The following RMI2 variants were observed in gnomAD, a reference collection of about 807,000 sequenced individuals.
RMI2 encodes the protein recQ-mediated genome instability protein 2.
A neutral mutation model predicts 8.4 loss-of-function variants in RMI2; 11 were observed. That is an observed-to-expected ratio of 1.32 (90% confidence interval 0.83 to 2.18). The LOEUF (loss-of-function observed/expected upper bound fraction) is 2.18. Ranked by LOEUF, RMI2 falls within the 30% of genes most tolerant of loss-of-function variation. The pLI is 0.00. For missense variants in RMI2, 253 were observed against 207.5 expected, an observed-to-expected ratio of 1.22 and a Z score of -1.35; for synonymous variants, 105 against 93.8, an observed-to-expected ratio of 1.12 and a Z score of -0.69.
chr16:11,346,304 G>A (rs534301572), intron 1 of RMI2, among the ~76,000 whole-genome samples: 56 of 137,766 alleles, frequency 4.1e-4, no homozygotes, highest in African/African-American at 1.5e-3. Context: ...CTGTCGCCCA[G>A]GATGGGGTGC....
intron 1 of RMI2, among the ~76,000 whole-genome samples, chr16:11,346,139 C>T (rs2070864042): frequency 6.6e-6 from 1 of 152,178 alleles, no homozygotes; most frequent in African/African-American, 2.4e-5. Context: ...AACGTCTCAG[C>T]TCAAATGTGC....
intron 1 of RMI2, 119 bp downstream of exon 1, chr16:11,345,885 C>A: frequency 1.3e-6 from 1 of 796,230 alleles, no homozygotes; most frequent in Non-Finnish European, 1.7e-6. Context: ...GGCCCTCCTC[C>A]GGGCCTCTGC....
At chr16:11,347,485 C>G (rs1182851166) in intron 1 of RMI2, among the ~76,000 whole-genome samples, 2 of 152,212 alleles carry the variant, frequency 1.3e-5, no homozygotes, top group Non-Finnish European at 2.9e-5. Context: ...CTCTTGTTAA[C>G]TTTTCTGGAC....
At chr16:11,347,439 T>C (rs550587237) in intron 1 of RMI2, among the ~76,000 whole-genome samples, 1 of 152,362 alleles carries the variant, frequency 6.6e-6, no homozygotes, top group Admixed American at 6.5e-5. Flanking sequence ...GTCGAATTTC[T>C]GGTTCCACCC....
At position 11,345,486 on chromosome 16, in the gene RMI2, G is replaced by A. The variant is rs1043429594; in HGVS notation, c.15G>A (p.Ala5=). 3 of 1,316,248 alleles carry A rather than the reference G, an allele frequency of 2.3e-6. No homozygotes were observed. Among genetic ancestry groups the A allele is most frequent in the Admixed American group, 3.1e-5 (1 of 32,326 alleles). The allele number at this position is 1,316,248 out of a possible 1,614,324, so 81.5% of individuals were successfully genotyped here. The part of the protein sequence containing the change: MAAA[A]DSFSGGPAGV... ...GGCGAGGCGGAATGGCGGCGGCTGC[G>A]GACTCGTTCTCAGGCGGCCCCGCGG... Residue 5 remains alanine, a synonymous_variant, in exon 1 of 2, where the codon GCG becomes GCA. Transcript: ENST00000312499.
chr16:11,345,888 G>C, intron 1 of RMI2, 122 bp downstream of exon 1: 1 of 788,690 alleles, frequency 1.3e-6, no homozygotes, highest in South Asian at 6.5e-5. Flanking sequence ...CCTCCTCCGG[G>C]CCTCTGCCCC....
In RMI2 at chr16:11,351,060, T is replaced by G. The variant is rs1230007391; in HGVS notation, c.*270T>G. On this transcript the variant is annotated 3_prime_UTR_variant, in exon 2 of 2. Transcript: ENST00000312499. ...ATTTTCCTTCCTGGTTTGTGTGTGTTAATTCTCTCTCTCTCTCTCAGACAC... is the reference window on the plus strand; with the variant it reads ...ATTTTCCTTCCTGGTTTGTGTGTGTGAATTCTCTCTCTCTCTCTCAGACAC... 1.2e-5 allele frequency: 4 copies of G among 328,726 alleles called. No individual in the cohort carries two copies. The highest frequency in any genetic ancestry group is 2.1e-5 in the African/African-American group (1 of 47,110). 20.4% of individuals were successfully genotyped at this position (328,726 alleles called of 1,614,324 possible).
At chr16:11,347,021 C>G (rs1213492073) in intron 1 of RMI2, among the ~76,000 whole-genome samples, 2 of 152,218 alleles carry the variant, frequency 1.3e-5, no homozygotes, top group Admixed American at 1.3e-4. Context: ...AACCAATAGT[C>G]TTGAGTGATA....
intron 1 of RMI2, among the ~76,000 whole-genome samples, chr16:11,346,255 CTTTT>C (rs34808246): frequency 8.6e-6 from 1 of 115,934 alleles, no homozygotes; most frequent in East Asian, 2.6e-4. Context: ...TGCCTCCTCT[CTTTT>C]TTTTTTTTTT....
Position 11,350,649 on chromosome 16 carries a change from T to G in RMI2, c.303T>G (p.Tyr101Ter). Residue 101 changes from tyrosine to a stop codon, truncating the protein, a stop_gained, in exon 2 of 2, where the codon TAT (tyrosine) becomes TAG (stop). Transcript: ENST00000312499. LOFTEE classifies it high-confidence loss of function. Reference sequence around the variant, plus strand: ...CTTTTCTTCTTTTTCTAGGAAAGTATGTGATGGTGATGGGAGTGGTTCAGG... The same window carrying G: ...CTTTTCTTCTTTTTCTAGGAAAGTAGGTGATGGTGATGGGAGTGGTTCAGG... ...RGRPCLVPGK[Y>*]VMVMGVVQAC... 6.4e-7 allele frequency: 1 copy of G among 1,567,714 alleles called. No homozygotes were observed.
In RMI2 at chr16:11,351,023, T is replaced by G. The variant is rs1053381901; in HGVS notation, c.*233T>G. On this transcript the variant is annotated 3_prime_UTR_variant, in exon 2 of 2. Coordinates refer to ENST00000312499, the MANE Select transcript of RMI2 (RefSeq NM_152308.3). ...CCTGTGTTTGCTGATGAAAAGCAGA[T>G]GCTTGTGTTTCATTTTCCTTCCTGG... The G allele has an allele frequency of 2.7e-6, 1 of 373,572 alleles. No homozygotes were observed. The highest frequency in any genetic ancestry group is 4.8e-6 in the Non-Finnish European group (1 of 208,300). The allele number at this position is 373,572 out of a possible 1,614,324, so 23.1% of individuals were successfully genotyped here. A position where few individuals can be genotyped will look rare whatever the true frequency, so the allele number is the denominator to read the frequency against.
chr16:11,346,265 T>C (rs1419634384), intron 1 of RMI2, among the ~76,000 whole-genome samples: 2 of 112,128 alleles, frequency 1.8e-5, no homozygotes. Flanking sequence ...CTTTTTTTTT[T>C]TTTTTTTTTT....
At position 11,345,633 on chromosome 16, in the gene RMI2, C is replaced by A; in HGVS notation, c.162C>A (p.Asp54Glu). ...CGGCGGCGGGCCGCGGGCCGCTGGACCTGGCGGCCGTGTGGATGCAGGGCA... is the reference window on the plus strand; with the variant it reads ...CGGCGGCGGGCCGCGGGCCGCTGGAACTGGCGGCCGTGTGGATGCAGGGCA... ...SRAAAGRGPL[D>E]LAAVWMQGRV... Residue 54 changes from aspartate to glutamate, a missense_variant, in exon 1 of 2, where the codon GAC becomes GAA. Transcript: ENST00000312499. The A allele has an allele frequency of 1.2e-5, 15 of 1,253,146 alleles. No homozygotes were observed. Among genetic ancestry groups the A allele is most frequent in the Non-Finnish European group, 1.5e-5 (15 of 1,000,534 alleles). The allele number at this position is 1,253,146 out of a possible 1,614,324, so 77.6% of individuals were successfully genotyped here. A position where few individuals can be genotyped will look rare whatever the true frequency, so the allele number is the denominator to read the frequency against.
intron 1 of RMI2, 75 bp downstream of exon 1, chr16:11,345,841 G>C (rs933255337): frequency 4.4e-6 from 5 of 1,138,344 alleles, no homozygotes; most frequent in Non-Finnish European, 5.5e-6. Flanking sequence ...ATTCGATCTT[G>C]TTGTTGACAC....
At chr16:11,346,252 TCTC>T (rs1162159236) in intron 1 of RMI2, among the ~76,000 whole-genome samples, 12 of 128,154 alleles carry the variant, frequency 9.4e-5, no homozygotes, top group East Asian at 4.2e-4. Context: ...GTTTGCCTCC[TCTC>T]TTTTTTTTTT....
intron 1 of RMI2, among the ~76,000 whole-genome samples, chr16:11,350,031 C>T (rs1288185616): frequency 4.6e-5 from 7 of 152,158 alleles, no homozygotes; most frequent in Non-Finnish European, 1.0e-4. Flanking sequence ...GCTGCCTGCC[C>T]AGCCTTTTCG....
chr16:11,346,145 T>A lies in RMI2; in HGVS notation c.295+379T>A, dbSNP rs896525894. 3.9e-5 allele frequency among the ~76,000 whole-genome samples: 6 copies of A among 152,270 alleles called. No homozygotes were observed. The East Asian group carries it at 1.2e-3, about 29-fold the overall frequency. On this transcript the variant is annotated intron_variant, in intron 1 of 1. Coordinates refer to ENST00000312499, the MANE Select transcript of RMI2 (RefSeq NM_152308.3). ...CTCATCCTTAACGTCTCAGCTCAAA[T>A]GTGCCTTTCTCAGGGAAGTCCTCCC... is the stretch of plus-strand genomic sequence containing the variant.
At chr16:11,348,472 A>G (rs2070914270) in intron 1 of RMI2, 1 of 152,262 alleles carries the variant, frequency 6.6e-6, no homozygotes, top group African/African-American at 2.4e-5. Context: ...CCTGTCTGAC[A>G]TACCCACTGG....
chr16:11,347,211 G>A (rs2070887855), intron 1 of RMI2, among the ~76,000 whole-genome samples: 1 of 152,208 alleles, frequency 6.6e-6, no homozygotes. Context: ...GGATGTGCAA[G>A]GTGCTGAGTG....
Sources: gnomAD v4.1 joint callset for allele counts (sites outside exome capture counted in the v4.1 genomes callset) on GRCh38, gnomAD v4.1.1 for gene constraint, MANE v1.5 for transcripts, NCBI Gene and HGNC (gene_info 2026-07-23, HGNC 2026-07-21) for gene names.